The following ERC2 variants were observed in gnomAD, a reference collection of about 807,000 sequenced individuals.
ERC2 encodes ERC protein 2.
Under a neutral mutation model 114.8 loss-of-function variants are expected in ERC2, and 42 were observed. The observed-to-expected ratio is 0.37, with a 90% CI of 0.29 to 0.47. The LOEUF is 0.47. Among genes scored for constraint, ERC2 ranks in the 20% least tolerant of loss-of-function variants. The probability of loss-of-function intolerance (pLI) is 0.99; values close to 1 mark genes in which losing one functional copy is unlikely to be tolerated. For missense variants in ERC2, 939 were observed against 1,150.7 expected, an observed-to-expected ratio of 0.82 and a Z score of 2.66; for synonymous variants, 454 against 425.5, an observed-to-expected ratio of 1.07 and a Z score of -0.82.
intron 2 of ERC2, among the ~76,000 whole-genome samples, chr3:56,316,124 TC>T (rs1349798370): frequency 1.3e-5 from 2 of 151,930 alleles, no homozygotes; most frequent in African/African-American, 2.4e-5. Context: ...TGACTGTCCC[TC>T]TCTTCTTTGT....
At chr3:55,634,002 C>T (rs1276972014) in intron 17 of ERC2, among the ~76,000 whole-genome samples, 2 of 152,150 alleles carry the variant, frequency 1.3e-5, no homozygotes, top group Non-Finnish European at 2.9e-5. Flanking sequence ...GGGGACTTGC[C>T]ACTCCAAAGC....
chr3:55,804,835 T>C (rs1470766620), intron 14 of ERC2, among the ~76,000 whole-genome samples: 1 of 152,068 alleles, frequency 6.6e-6, no homozygotes, highest in African/African-American at 2.4e-5. Context: ...GGAATCCACT[T>C]CCTGCTTGGA....
At position 55,768,772 on chromosome 3, in the gene ERC2, G is replaced by A. The variant is rs1196211472; in HGVS notation, c.2565-33854C>T. On this transcript the variant is annotated intron_variant, in intron 14 of 17. Transcript: ENST00000288221. ...AAGACAGAAGAAGGTGACATCAGAT[G>A]GGTTTGGGGAGTAGGCAGCGGGCAG... Among the ~76,000 whole-genome samples the A allele has an allele frequency of 5.3e-5, 8 of 152,276 alleles. No homozygotes were observed. The East Asian group carries it at 1.5e-3, about 29-fold the overall frequency.
intron 3 of ERC2, among the ~76,000 whole-genome samples, chr3:56,286,991 A>G (rs2054766906): frequency 6.6e-6 from 1 of 152,206 alleles, no homozygotes; most frequent in South Asian, 2.1e-4. Context: ...AGCCACTCCT[A>G]GGAATCACCC....
intron 2 of ERC2, among the ~76,000 whole-genome samples, chr3:56,404,788 A>G (rs190160129): frequency 1.3e-5 from 2 of 152,328 alleles, no homozygotes; most frequent in Non-Finnish European, 2.9e-5. Flanking sequence ...CAGTGGAAAA[A>G]AGAAGTTTTC....
At chr3:56,422,083 T>C (rs961107606) in intron 2 of ERC2, among the ~76,000 whole-genome samples, 3 of 152,106 alleles carry the variant, frequency 2.0e-5, no homozygotes, top group Non-Finnish European at 4.4e-5. Flanking sequence ...ATCACCCCAG[T>C]GAGGTCAGAA....
In ERC2 at chr3:56,339,692, C is replaced by G. The variant is rs543140331; in HGVS notation, c.658-43257G>C. On this transcript the variant is annotated intron_variant, in intron 2 of 17. Coordinates refer to ENST00000288221, the MANE Select transcript of ERC2 (RefSeq NM_015576.3). Reference sequence around the variant, plus strand: ...CCCTCTCCCTCTTCCCACCCCTGTCCTTACTCCACCCTCTCTCCAGCACCC... The same window carrying G: ...CCCTCTCCCTCTTCCCACCCCTGTCGTTACTCCACCCTCTCTCCAGCACCC... Among the ~76,000 whole-genome samples, 31 of 152,248 alleles carry G rather than the reference C, an allele frequency of 2.0e-4. No individual in the cohort carries two copies. In the East Asian group the frequency reaches 4.6e-3, roughly 23 times the overall value.
chr3:56,341,660 A>C (rs1320553433), intron 2 of ERC2, among the ~76,000 whole-genome samples: 1 of 151,952 alleles, frequency 6.6e-6, no homozygotes, highest in Non-Finnish European at 1.5e-5. Flanking sequence ...CTCTATCACC[A>C]GATATCATCC....
At chr3:56,021,516 C>G (rs2073711236) in intron 7 of ERC2, among the ~76,000 whole-genome samples, 1 of 151,750 alleles carries the variant, frequency 6.6e-6, no homozygotes, top group South Asian at 2.1e-4. Context: ...CTAAATTGTC[C>G]AAGTTGCCAG....
chr3:56,149,867 G>T (rs2081327615), intron 4 of ERC2, among the ~76,000 whole-genome samples: 1 of 151,894 alleles, frequency 6.6e-6, no homozygotes, highest in Non-Finnish European at 1.5e-5. Context: ...GAATTAATTG[G>T]GAAAAAATTA....
At chr3:56,284,303 C>T (rs1196516378) in intron 3 of ERC2, among the ~76,000 whole-genome samples, 5 of 152,170 alleles carry the variant, frequency 3.3e-5, no homozygotes, top group Non-Finnish European at 5.9e-5. Context: ...AGATTTTTAA[C>T]GTGTTATGCA....
chr3:56,331,502 T>C (rs921570538), intron 2 of ERC2, among the ~76,000 whole-genome samples: 4 of 152,220 alleles, frequency 2.6e-5, no homozygotes, highest in African/African-American at 9.6e-5. Flanking sequence ...AGAATATTTT[T>C]TTTTCTTTAA....
chr3:55,616,590 A>G (rs1197791345), intron 17 of ERC2, among the ~76,000 whole-genome samples: 3 of 151,996 alleles, frequency 2.0e-5, no homozygotes, highest in Non-Finnish European at 4.4e-5. Flanking sequence ...GTGTTAGACA[A>G]ATAAAGCACA....
chr3:55,784,409 A>G (rs760573145), intron 14 of ERC2, among the ~76,000 whole-genome samples: 4 of 152,170 alleles, frequency 2.6e-5, no homozygotes, highest in Non-Finnish European at 5.9e-5. Context: ...AAGTTTCTTG[A>G]TTTTGGTTAC....
At chr3:55,772,519 C>T (rs986907251) in intron 14 of ERC2, among the ~76,000 whole-genome samples, 3 of 152,134 alleles carry the variant, frequency 2.0e-5, no homozygotes, top group Admixed American at 6.5e-5. Context: ...GGTTTCACCG[C>T]GTTAGCCAGG....
chr3:55,564,923 A>G (rs1401062516), intron 17 of ERC2, among the ~76,000 whole-genome samples: 2 of 152,250 alleles, frequency 1.3e-5, no homozygotes, highest in African/African-American at 4.8e-5. Context: ...TCTCCGTGGC[A>G]GTACTCAACT....
chr3:56,454,991 C>G (rs575397896), intron 1 of ERC2, among the ~76,000 whole-genome samples: 59 of 151,804 alleles, frequency 3.9e-4, no homozygotes, highest in Non-Finnish European at 6.8e-4. Context: ...ATATGAGGTA[C>G]CTAGAATAGT....
At chr3:56,173,690 C>A in intron 3 of ERC2, 170 bp from the exon 4 acceptor site, 1 of 572,610 alleles carries the variant, frequency 1.7e-6, no homozygotes, top group South Asian at 2.4e-5. Flanking sequence ...TGCCTGGAGC[C>A]TGCGTTCCGG....
intron 14 of ERC2, among the ~76,000 whole-genome samples, chr3:55,857,525 T>A (rs1319499486): frequency 6.6e-6 from 1 of 152,196 alleles, no homozygotes; most frequent in Non-Finnish European, 1.5e-5. Flanking sequence ...AAACTTTTTA[T>A]CACCTCCAAG....
Sources: allele counts gnomAD v4.1 joint callset (sites outside exome capture counted in the v4.1 genomes callset), GRCh38; gene constraint gnomAD v4.1.1; transcripts MANE v1.5; gene names NCBI Gene and HGNC (gene_info 2026-07-23, HGNC 2026-07-21).